MEI4: variants seen among roughly 807,000 people sequenced by gnomAD.
The protein encoded by MEI4 is meiotic double-stranded break formation protein 4, also known as meiosis-specific protein MEI4.
MEI4 carries 27 observed loss-of-function variants against 31.4 expected under a neutral mutation model. The ratio of observed to expected loss-of-function variants is 0.86; its 90% confidence interval spans 0.63 to 1.19. The LOEUF (loss-of-function observed/expected upper bound fraction) is 1.19. MEI4 is among the 50% of genes most tolerant of loss of function. The pLI is 0.00. For missense variants in MEI4, 329 were observed against 398.9 expected (o/e 0.82, Z 1.49); for synonymous variants, 122 against 145.4 (o/e 0.84, Z 1.16).
intron 4 of MEI4, among the ~76,000 whole-genome samples, chr6:77,850,143 G>A (rs1163315230): frequency 1.3e-5 from 2 of 152,110 alleles, no homozygotes; most frequent in East Asian, 1.9e-4. Context: ...GCAGTGGTTT[G>A]TAGTTCTCCT....
chr6:77,890,651 A>T (rs902018810), intron 4 of MEI4, among the ~76,000 whole-genome samples: 10 of 152,040 alleles, frequency 6.6e-5, no homozygotes, highest in African/African-American at 2.2e-4. Flanking sequence ...ACATGAGATT[A>T]TGAGGGGCTG....
chr6:77,765,406 A>T (rs886705469), intron 3 of MEI4, among the ~76,000 whole-genome samples: 1 of 150,840 alleles, frequency 6.6e-6, no homozygotes, highest in African/African-American at 2.5e-5. Context: ...AGCTGATTTT[A>T]TTTTTTTTTA....
chr6:77,824,861 T>C (rs1183965327), intron 3 of MEI4, among the ~76,000 whole-genome samples: 2 of 152,196 alleles, frequency 1.3e-5, no homozygotes, highest in African/African-American at 4.8e-5. Context: ...TTTAAGTTTA[T>C]TTCCTTCATT....
intron 3 of MEI4, among the ~76,000 whole-genome samples, chr6:77,768,699 CA>C (rs11332685): frequency 0.34 from 39,691 of 116,430 alleles, 5,255 homozygotes; most frequent in East Asian, 0.51. Context: ...GACTCCATCT[CA>C]AAAAAAAAAA....
intron 2 of MEI4, among the ~76,000 whole-genome samples, chr6:77,756,926 G>T (rs1381007823): frequency 1.3e-5 from 2 of 152,184 alleles, no homozygotes; most frequent in South Asian, 4.1e-4. Flanking sequence ...AAGAGACAGG[G>T]CCTCTGGCCT....
intron 4 of MEI4, among the ~76,000 whole-genome samples, chr6:77,882,265 G>A (rs1771507115): frequency 1.3e-5 from 2 of 152,110 alleles, no homozygotes; most frequent in Admixed American, 1.3e-4. Flanking sequence ...TCACTAACCG[G>A]ATAACTACAC....
chr6:77,765,272 A>G (rs1038777633), intron 3 of MEI4, among the ~76,000 whole-genome samples: 2 of 149,708 alleles, frequency 1.3e-5, no homozygotes, highest in African/African-American at 2.5e-5. Context: ...TTTCTCCACT[A>G]TGCCCAAGAC....
intron 3 of MEI4, among the ~76,000 whole-genome samples, chr6:77,763,253 CTGTGCTGCCTG>C: frequency 6.6e-6 from 1 of 152,024 alleles, no homozygotes; most frequent in South Asian, 2.1e-4. Context: ...GAGGTGCAAG[CTGTGCTGCCTG>C]GGGTTTGTGG....
chr6:77,665,647 A>T (rs919232330), intron 1 of MEI4, among the ~76,000 whole-genome samples: 1 of 152,326 alleles, frequency 6.6e-6, no homozygotes, highest in Admixed American at 6.5e-5. Context: ...CCCTGCAATG[A>T]TTAAACACCA....
At chr6:77,694,606 G>A (rs189449110) in intron 2 of MEI4, among the ~76,000 whole-genome samples, 31,040 of 151,632 alleles carry the variant, frequency 0.2, 3,455 homozygotes, top group African/African-American at 0.3. Context: ...CATTTTTTAT[G>A]GCTGCATAGT....
intron 3 of MEI4, among the ~76,000 whole-genome samples, chr6:77,790,438 A>C (rs1768889871): frequency 6.6e-6 from 1 of 152,030 alleles, no homozygotes; most frequent in African/African-American, 2.4e-5. Flanking sequence ...AGAAGAAAGA[A>C]AAATTACCTA....
intron 1 of MEI4, among the ~76,000 whole-genome samples, chr6:77,681,567 C>T (rs187026932): frequency 6.6e-6 from 1 of 152,216 alleles, no homozygotes; most frequent in African/African-American, 2.4e-5. Flanking sequence ...ACTGTCTTTT[C>T]TGTTATCTTA....
intron 4 of MEI4, among the ~76,000 whole-genome samples, chr6:77,842,754 C>A (rs1770396050): frequency 1.3e-5 from 2 of 151,920 alleles, no homozygotes; most frequent in Non-Finnish European, 2.9e-5. Context: ...AAGTGGACAT[C>A]ATTGCAGGTG....
At chr6:77,726,270 A>G (rs1766818231) in intron 2 of MEI4, among the ~76,000 whole-genome samples, 1 of 150,912 alleles carries the variant, frequency 6.6e-6, no homozygotes, top group African/African-American at 2.5e-5. Flanking sequence ...TCAAGGCAGA[A>G]GAATTTTTCT....
At chr6:77,841,040 A>G (rs553527618) in intron 4 of MEI4, among the ~76,000 whole-genome samples, 5 of 152,214 alleles carry the variant, frequency 3.3e-5, no homozygotes, top group South Asian at 4.1e-4. Context: ...GAGTTGTGAT[A>G]TAACAGAGAA....
At chr6:77,779,070 C>T (rs1372179118) in intron 3 of MEI4, among the ~76,000 whole-genome samples, 1 of 152,024 alleles carries the variant, frequency 6.6e-6, no homozygotes, top group Non-Finnish European at 1.5e-5. Context: ...AATTTAGAGG[C>T]TTTTTAAGGC....
intron 4 of MEI4, among the ~76,000 whole-genome samples, chr6:77,917,611 TG>T (rs1337159460): frequency 2.3e-5 from 1 of 43,788 alleles, no homozygotes. Flanking sequence ...CACTTTTTGA[TG>T]GGGTTGTTTT....
At chr6:77,834,998 A>C (rs1770179905) in intron 4 of MEI4, among the ~76,000 whole-genome samples, 2 of 152,132 alleles carry the variant, frequency 1.3e-5, no homozygotes, top group Non-Finnish European at 2.9e-5. Flanking sequence ...AAGCTATGCA[A>C]ACTTTCAGGC....
At chr6:77,908,188 A>G (rs1329653606) in intron 4 of MEI4, among the ~76,000 whole-genome samples, 4 of 152,036 alleles carry the variant, frequency 2.6e-5, no homozygotes, top group African/African-American at 7.2e-5. Context: ...TTTTGTTGCC[A>G]TTGCTTTTGG....
Sources: allele counts gnomAD v4.1 joint callset (sites outside exome capture counted in the v4.1 genomes callset), GRCh38; gene constraint gnomAD v4.1.1; transcripts MANE v1.5; gene names NCBI Gene and HGNC (gene_info 2026-07-23, HGNC 2026-07-21).